ART3: variants seen among roughly 807,000 people sequenced by gnomAD.
The protein encoded by ART3 is ecto-ADP-ribosyltransferase 3.
ART3 carries 49 observed loss-of-function variants against 48.5 expected under a neutral mutation model. The ratio of observed to expected loss-of-function variants is 1.01; its 90% CI spans 0.80 to 1.28. The LOEUF (loss-of-function observed/expected upper bound fraction) is 1.28. ART3 is among the 50% of genes most tolerant of loss of function. The pLI, the probability that ART3 is intolerant of heterozygous loss-of-function variation, is 0.00. For missense variants in ART3, 438 were observed against 454.3 expected (o/e 0.96, Z 0.33); for synonymous variants, 145 against 157.2 (o/e 0.92, Z 0.58).
rs779232419 is a variant in ART3 at position 76,082,518 on chromosome 4, A to G, written c.764A>G (p.Glu255Gly). The change falls in exon 3 of 12, where the codon GAG (glutamate) becomes GGG (glycine). Residue 255 changes from glutamate (E) to glycine (G), a missense_variant. Glu to Gly is a moderately conservative substitution (Grantham distance 98). Around this residue, in one of 3 missense-constraint regions of ART3, gnomAD observed 227 missense variants for 229.6 expected, o/e 0.99. Transcript: ENST00000355810. ...ATAAACAAGACCTGCAGCCATTATG[A>G]GTGTGCATTTCTAGGTGGTAAGTGT... ...QSINKTCSHY[E>G]CAFLGGLKTE... 1.3e-6 allele frequency: 2 copies of G among 1,587,062 alleles called. No homozygotes were observed. The highest frequency in any genetic ancestry group is 1.7e-6 in the Non-Finnish European group (2 of 1,166,772).
rs190483488 is a variant in ART3 at position 76,101,313 on chromosome 4, A to C, written c.937+294A>C. Among the ~76,000 whole-genome samples the C allele has an allele frequency of 2.5e-3, 378 of 152,358 alleles. 2 individuals carry two copies. Among genetic ancestry groups the C allele is most frequent in the African/African-American group, 8.8e-3 (365 of 41,592 alleles). On this transcript the variant is annotated intron_variant, in intron 8 of 11. Coordinates refer to ENST00000355810, the MANE Select transcript of ART3 (RefSeq NM_001130016.3). ...TGACCTCTAGGATATTGGGCAGGGCATAACAAATATTGTTTTTTCTAAATT... is the reference window on the plus strand; with the variant it reads ...TGACCTCTAGGATATTGGGCAGGGCCTAACAAATATTGTTTTTTCTAAATT...
chr4:76,014,430 A>G (rs528518297), intron 1 of ART3, among the ~76,000 whole-genome samples: 5 of 152,330 alleles, frequency 3.3e-5, no homozygotes, highest in Admixed American at 2.6e-4. Context: ...TGGGTTCAAC[A>G]GCAGTTTTGA....
At chr4:76,052,376 G>A (rs950355528) in intron 1 of ART3, among the ~76,000 whole-genome samples, 8 of 152,140 alleles carry the variant, frequency 5.3e-5, no homozygotes, top group African/African-American at 1.7e-4. Flanking sequence ...CAGAATAAGG[G>A]CCAGTTTTCA....
chr4:76,058,830 T>C (rs1718921038), intron 1 of ART3, among the ~76,000 whole-genome samples: 2 of 152,208 alleles, frequency 1.3e-5, no homozygotes, highest in African/African-American at 2.4e-5. Context: ...CAGAGCTTAA[T>C]TGAGCAAAGA....
intron 1 of ART3, chr4:76,036,127 T>C: frequency 1.5e-6 from 1 of 670,718 alleles, no homozygotes; most frequent in Non-Finnish European, 2.6e-6. Flanking sequence ...AGCAATCCTT[T>C]TATGGCACAG....
chr4:76,040,090 C>T lies in ART3; in HGVS notation c.-10+28770C>T, dbSNP rs192040365. The stretch of plus-strand genomic sequence containing the variant: ...CTGTAATCCCAGCAGTTTGGGAGAC[C>T]GAGGCAGGCGGATCACTTGAGGTCA... On this transcript the variant is annotated intron_variant, in intron 1 of 9. Coordinates refer to the ART3 transcript ENST00000341029. Among the ~76,000 whole-genome samples, 356 of 152,164 alleles carry T rather than the reference C, an allele frequency of 2.3e-3. 6 individuals carry two copies. The highest frequency in any genetic ancestry group is 0.021 in the East Asian group (108 of 5,180).
intron 1 of ART3, among the ~76,000 whole-genome samples, chr4:76,041,580 T>TAAAAAGAA (rs1734978180): frequency 6.6e-6 from 1 of 150,910 alleles, no homozygotes; most frequent in Non-Finnish European, 1.5e-5. Context: ...CAGATGAAAT[T>TAAAAAGAA]AATTTAAATA....
chr4:76,036,066 T>C (rs1033048986), intron 1 of ART3: 10 of 1,351,562 alleles, frequency 7.4e-6, no homozygotes, highest in Admixed American at 5.4e-5. Context: ...GTAGAAATGC[T>C]GAACATGAAA....
intron 1 of ART3, among the ~76,000 whole-genome samples, chr4:76,051,301 T>TA: frequency 1.0e-5 from 1 of 97,002 alleles, no homozygotes; most frequent in South Asian, 3.1e-4. Context: ...TGCCGGTGGA[T>TA]TTTTTTTTAA....
intron 1 of ART3, among the ~76,000 whole-genome samples, chr4:76,025,461 T>C (rs1369772340): frequency 6.6e-6 from 1 of 152,196 alleles, no homozygotes; most frequent in East Asian, 1.9e-4. Flanking sequence ...GGATAAAATA[T>C]TTGATTTTTA....
chr4:76,074,843 C>G (rs1435750226), intron 1 of ART3, 24 bp downstream of exon 1: 1 of 152,184 alleles, frequency 6.6e-6, no homozygotes, highest in Non-Finnish European at 1.5e-5. Context: ...CTTATTTACA[C>G]TCAGACTAAA....
At chr4:76,029,127 T>G (rs775674041) in intron 1 of ART3, among the ~76,000 whole-genome samples, 112 of 152,360 alleles carry the variant, frequency 7.4e-4, no homozygotes, top group Middle Eastern at 6.8e-3. Context: ...GTTTTAATTT[T>G]AATTGATTCA....
chr4:76,039,323 C>T (rs1015730706), intron 1 of ART3, among the ~76,000 whole-genome samples: 1 of 152,116 alleles, frequency 6.6e-6, no homozygotes, highest in African/African-American at 2.4e-5. Flanking sequence ...TGGTCTCAGA[C>T]CCCTTTTTCA....
intron 1 of ART3, among the ~76,000 whole-genome samples, chr4:76,027,906 C>G (rs12500868): frequency 0.31 from 46,890 of 150,810 alleles, 8,260 homozygotes; most frequent in African/African-American, 0.45. Context: ...AGAGTTAACT[C>G]TGCTAACCAA....
At chr4:76,031,048 T>C (rs1238178827) in intron 1 of ART3, among the ~76,000 whole-genome samples, 1 of 152,170 alleles carries the variant, frequency 6.6e-6, no homozygotes, top group Admixed American at 6.5e-5. Context: ...GTTTAACTTA[T>C]TGCAGAGCCA....
chr4:76,082,550 T>C lies in ART3; in HGVS notation c.781+15T>C. On this transcript the variant is annotated intron_variant, in intron 3 of 11. Transcript: ENST00000355810. ...ATTTCTAGGTGGTAAGTGTCTGCTC[T>C]GTCTGTGCTTGGCTGGGAGGGAAGG... The C allele has an allele frequency of 6.5e-7, 1 of 1,539,026 alleles. No homozygotes were observed. Among genetic ancestry groups the C allele is most frequent in the Non-Finnish European group, 8.7e-7 (1 of 1,144,688 alleles).
intron 2 of ART3, among the ~76,000 whole-genome samples, chr4:76,076,654 T>C (rs1560616675): frequency 6.6e-6 from 1 of 152,248 alleles, no homozygotes; most frequent in Non-Finnish European, 1.5e-5. Context: ...GTCACGCATG[T>C]CATCAGATAT....
chr4:76,060,966 C>T (rs1042929203), intron 1 of ART3, among the ~76,000 whole-genome samples: 4 of 152,184 alleles, frequency 2.6e-5, no homozygotes, highest in Non-Finnish European at 5.9e-5. Flanking sequence ...AGTAACTTAG[C>T]CCTGCCAACA....
intron 8 of ART3, among the ~76,000 whole-genome samples, chr4:76,102,959 T>C (rs1727664961): frequency 6.6e-6 from 1 of 152,192 alleles, no homozygotes; most frequent in Non-Finnish European, 1.5e-5. Context: ...TTAGTTCTTA[T>C]CATCAGTTAG....
Sources: gnomAD v4.1 joint callset for allele counts (sites outside exome capture counted in the v4.1 genomes callset) on GRCh38, gnomAD v4.1.1 for gene constraint, gnomAD v4.1.1 regional missense constraint, MANE v1.5 for transcripts, NCBI Gene and HGNC (gene_info 2026-07-23, HGNC 2026-07-21) for gene names.